Variants in USP42 observed in about 807,000 individuals in gnomAD.
USP42 encodes ubiquitin specific peptidase 42.
USP42 carries 23 observed loss-of-function variants against 113.0 expected under a neutral mutation model. That is an observed-to-expected ratio of 0.20 (90% confidence interval 0.15 to 0.29). The LOEUF is 0.29. USP42 is among the 10% of genes least tolerant of loss of function. USP42 has a pLI of 1.00. For synonymous variants in USP42, 933 were observed against 699.0 expected (o/e 1.33, Z -5.28); for missense variants, 2,174 against 1,779.8 (o/e 1.22, Z -3.99).
At chr7:6,109,076 G>A (rs1415677105) in intron 1 of USP42, among the ~76,000 whole-genome samples, 1 of 152,180 alleles carries the variant, frequency 6.6e-6, no homozygotes, top group African/African-American at 2.4e-5. Context: ...GGGCCTTGAG[G>A]AGGGGTTTCT....
intron 10 of USP42, 46 bp from the exon 11 acceptor site, chr7:6,146,102 G>A (rs1199071177): frequency 7.6e-7 from 1 of 1,320,776 alleles, no homozygotes; most frequent in African/African-American, 1.5e-5. Flanking sequence ...TATGTTCCAT[G>A]TTTAATTAAA....
Position 6,153,053 on chromosome 7 carries a change from C to G in USP42, c.2202-703C>G, listed in dbSNP as rs1040283005. ...TGGGAGGCTGAGGCGGGCGGATCAC[C>G]TGAGGTCAGGAGTTCGAGACCAGCT... On this transcript the variant is annotated intron_variant, in intron 14 of 17. Transcript: ENST00000306177. 13 of 687,052 alleles carry G rather than the reference C, an allele frequency of 1.9e-5. No individual in the cohort carries two copies. In the African/African-American group the frequency reaches 2.5e-4, roughly 13 times the overall value. 42.6% of individuals were successfully genotyped at this position (687,052 alleles called of 1,614,324 possible). A position where few individuals can be genotyped will look rare whatever the true frequency, so the allele number is the denominator to read the frequency against.
At chr7:6,145,428 T>A in intron 9 of USP42, 88 bp from the exon 10 acceptor site, 3 of 1,531,102 alleles carry the variant, frequency 2.0e-6, no homozygotes, top group Non-Finnish European at 2.7e-6. Flanking sequence ...GGGTCTCCCC[T>A]CCTAGGAAGC....
rs769399829 is a variant in USP42 at position 6,149,997 on chromosome 7, T to G, written c.1801T>G (p.Ser601Ala). ...PVMNGKSKLN[S>A]SVLVPYGAES... ...GATGAATGGCAAATCCAAGCTGAACTCCAGCGTGCTGGTGCCCTATGGCGC... is the reference window on the plus strand; with the variant it reads ...GATGAATGGCAAATCCAAGCTGAACGCCAGCGTGCTGGTGCCCTATGGCGC... Residue 601 changes from serine (S) to alanine (A), a missense_variant, in exon 13 of 18, where the codon TCC becomes GCC. Transcript: ENST00000306177. The G allele has an allele frequency of 1.2e-6, 2 of 1,613,554 alleles. No individual in the cohort carries two copies. The highest frequency in any genetic ancestry group is 1.7e-6 in the Non-Finnish European group (2 of 1,179,758).
rs11377384 is a variant in USP42 at position 6,158,472 on chromosome 7, T to TG, written c.3944-974dup. 0.067 allele frequency among the ~76,000 whole-genome samples: 10,126 copies of TG among 152,218 alleles called. 803 individuals are homozygous for TG. The highest frequency in any genetic ancestry group is 0.44 in the East Asian group (2,280 of 5,138). ...GTGGGTTAGGTGGAGCTGTGTGTTC[T>TG]GGGGAAGGCCTGTCCCTCCCAGCAG... is the stretch of plus-strand genomic sequence containing the variant. On this transcript the variant is annotated intron_variant, in intron 16 of 17. Transcript: ENST00000306177. The surrounding 1 kb of genome is among the most constrained non-coding windows in gnomAD (Gnocchi z 4.2).
intron 2 of USP42, among the ~76,000 whole-genome samples, chr7:6,114,607 A>T (rs1282685445): frequency 1.4e-5 from 2 of 145,754 alleles, no homozygotes; most frequent in Non-Finnish European, 3.0e-5. Flanking sequence ...TGTATATATA[A>T]AATATATATA....
rs61752591 is a variant in USP42, at chr7:6,150,212, C to T, written c.2016C>T (p.Asn672=). 1.4e-3 allele frequency: 2,205 copies of T among 1,613,882 alleles called. 22 individuals are homozygous for T. In the African/African-American group the frequency reaches 0.022, roughly 16 times the overall value. ...ACAGCGACAGTGACCCGAAAGAAAACGGCCTAGCGCCTGATGGTGCCAGCT... is the reference window on the plus strand; with the variant it reads ...ACAGCGACAGTGACCCGAAAGAAAATGGCCTAGCGCCTGATGGTGCCAGCT... ...SADSDSDPKE[N]GLAPDGASCQ... The change falls in exon 13 of 18, where the codon AAC becomes AAT. Residue 672 remains asparagine (N), a synonymous_variant. Transcript: ENST00000306177.
Position 6,159,760 on chromosome 7 carries a change from T to TG in USP42, c.*36+268dup, listed in dbSNP as rs1782665754. On this transcript the variant is annotated intron_variant, in intron 17 of 17. Transcript: ENST00000306177. This position sits in a 1 kb window ranked among gnomAD's most constrained non-coding sequence, Gnocchi z 4.1. The stretch of plus-strand genomic sequence containing the variant: ...CAGGCAGAGTCGCCCTGTTCCCTTG[T>TG]GCCTCACTTGGGAAAAGCCAACCCG... Among the ~76,000 whole-genome samples the TG allele has an allele frequency of 6.6e-6, 1 of 152,232 alleles. No individual in the cohort carries two copies.
At chr7:6,131,423 G>A (rs1356031657) in intron 3 of USP42, among the ~76,000 whole-genome samples, 8 of 152,030 alleles carry the variant, frequency 5.3e-5, no homozygotes, top group African/African-American at 1.7e-4. Flanking sequence ...GCAGTGAGCC[G>A]TGATCCCGCC....
Position 6,157,016 on chromosome 7 carries a change from A to AGCAGGGATGACAGGTGTCGTCTCT in USP42, c.3905_3928dup (p.Leu1309_Phe1310insCysArgAspAspArgCysArgLeu). On this transcript the variant is annotated inframe_insertion, in exon 16 of 18. Coordinates refer to ENST00000306177, the MANE Select transcript of USP42 (RefSeq NM_032172.3). The surrounding 1 kb of genome is among the most constrained non-coding windows in gnomAD (Gnocchi z 4.1). ...GAAAACGAAACACTTACGGATGGAA[A>AGCAGGGATGACAGGTGTCGTCTCT]GCAGGGATGACAGGTGTCGTCTCTT... is the stretch of plus-strand genomic sequence containing the variant. 5.0e-6 allele frequency: 8 copies of AGCAGGGATGACAGGTGTCGTCTCT among 1,612,962 alleles called. No individual in the cohort carries two copies. The highest frequency in any genetic ancestry group is 6.8e-6 in the Non-Finnish European group (8 of 1,179,560).
rs528214778 is a variant in USP42, at chr7:6,136,525, A to G, written c.553+574A>G. Among the ~76,000 whole-genome samples, 33 of 152,310 alleles carry G rather than the reference A, an allele frequency of 2.2e-4. 1 individual carries two copies. The highest frequency in any genetic ancestry group is 2.1e-3 in the Admixed American group (32 of 15,298). On this transcript the variant is annotated intron_variant, in intron 4 of 17. Coordinates refer to ENST00000306177, the MANE Select transcript of USP42 (RefSeq NM_032172.3). The stretch of plus-strand genomic sequence containing the variant: ...AAATTTTAAACTATTAAAAATCAAT[A>G]TGTTAAAATAATTGGTAAGTTTTAT...
At chr7:6,122,105 A>C (rs1780257870) in intron 3 of USP42, among the ~76,000 whole-genome samples, 1 of 151,836 alleles carries the variant, frequency 6.6e-6, no homozygotes, top group African/African-American at 2.4e-5. Context: ...TCATTATTCC[A>C]TTTCTTCTGC....
In USP42 at chr7:6,154,710, C is replaced by T. The variant is rs751673278; in HGVS notation, c.3156C>T (p.Asp1052=). 1.3e-6 allele frequency: 2 copies of T among 1,596,950 alleles called. No homozygotes were observed. Residue 1052 remains aspartate (D), a synonymous_variant, in exon 15 of 18, where the codon GAC becomes GAT. Transcript: ENST00000306177. ...RGWGREKFYP[D]RPRWDRCRYY... is the part of the protein sequence containing the mutation. The stretch of plus-strand genomic sequence containing the variant: ...GGGGCCGGGAGAAGTTCTACCCCGA[C>T]AGGCCGCGCTGGGACAGGTGCCGGT...
In USP42 at chr7:6,140,251, T is replaced by C. The variant is rs1781364780; in HGVS notation, c.724+56T>C. ...ATACACACATGTGGTTAAAAAATGGTAATAGTAGGACAGGGTTAGTCCTAC... is the reference window on the plus strand; with the variant it reads ...ATACACACATGTGGTTAAAAAATGGCAATAGTAGGACAGGGTTAGTCCTAC... On this transcript the variant is annotated intron_variant, in intron 6 of 17. Transcript: ENST00000306177. 6 of 1,493,380 alleles carry C rather than the reference T, an allele frequency of 4.0e-6. No homozygotes were observed. The South Asian group carries it at 6.8e-5, about 17-fold the overall frequency. 92.5% of individuals were successfully genotyped at this position (1,493,380 alleles called of 1,614,324 possible).
chr7:6,098,237 C>T, the USP42 span, among the ~76,000 whole-genome samples: 1 of 150,230 alleles, frequency 6.7e-6, no homozygotes, highest in Non-Finnish European at 1.5e-5. Context: ...ATACCAGTCC[C>T]ATGATGTATC....
At chr7:6,083,277 A>G in the USP42 span, among the ~76,000 whole-genome samples, 2 of 142,240 alleles carry the variant, frequency 1.4e-5, no homozygotes, top group Non-Finnish European at 3.0e-5. Context: ...TTTATTTTAG[A>G]TACAGTCTAG....
intron 3 of USP42, among the ~76,000 whole-genome samples, chr7:6,120,442 A>C (rs367643420): frequency 1.1e-4 from 17 of 151,210 alleles, no homozygotes; most frequent in African/African-American, 4.1e-4. Flanking sequence ...GGGGTTTCAC[A>C]GTGTTGGCCA....
At chr7:6,107,541 C>T (rs990604728) in intron 1 of USP42, among the ~76,000 whole-genome samples, 3 of 151,850 alleles carry the variant, frequency 2.0e-5, no homozygotes, top group Non-Finnish European at 4.4e-5. Context: ...TCCCGAGTAG[C>T]TGGGATTACA....
Position 6,118,261 on chromosome 7 carries a change from G to T in USP42, c.442+2738G>T, listed in dbSNP as rs192437648. On this transcript the variant is annotated intron_variant, in intron 3 of 17. Transcript: ENST00000306177. ...AAAAAAATCAAAAATTAGGCCAGGT[G>T]TGGTGGTTCATGTGTTTTGGGAGGC... Among the ~76,000 whole-genome samples the T allele has an allele frequency of 1.8e-4, 27 of 152,148 alleles. 1 individual carries two copies. Among genetic ancestry groups the T allele is most frequent in the Admixed American group, 1.7e-3 (26 of 15,250 alleles).
Sources: gnomAD v4.1 joint callset for allele counts (sites outside exome capture counted in the v4.1 genomes callset) on GRCh38, gnomAD v4.1.1 for gene constraint, Gnocchi (gnomAD v3.1) non-coding constraint, MANE v1.5 for transcripts, NCBI Gene and HGNC (gene_info 2026-07-23, HGNC 2026-07-21) for gene names.